PHF14: variants seen among roughly 807,000 people sequenced by gnomAD.
PHF14 encodes the protein PHD finger protein 14.
In PHF14, 55 loss-of-function variants were observed where a neutral mutation model predicts 117.9. That is an observed-to-expected ratio of 0.47 (90% CI 0.38 to 0.58). PHF14 has a LOEUF of 0.58. PHF14 is among the 20% of genes least tolerant of loss of function. The pLI, the probability that PHF14 is intolerant of heterozygous loss-of-function variation, is 0.00. For missense variants in PHF14, 978 were observed against 1,122.2 expected, an observed-to-expected ratio of 0.87 and a Z score of 1.84; for synonymous variants, 409 against 368.6, an observed-to-expected ratio of 1.11 and a Z score of -1.26.
At chr7:11,137,341 A>C (rs774553368) in intron 17 of PHF14, among the ~76,000 whole-genome samples, 1 of 151,950 alleles carries the variant, frequency 6.6e-6, no homozygotes, top group Non-Finnish European at 1.5e-5. Context: ...CTTGATCTTA[A>C]GTGCTTTTGT....
chr7:11,132,672 GT>G (rs1203299396), intron 17 of PHF14, among the ~76,000 whole-genome samples: 2 of 151,614 alleles, frequency 1.3e-5, no homozygotes, highest in African/African-American at 4.8e-5. Context: ...CCTTTATAGT[GT>G]TTTTTTATAA....
At chr7:11,104,706 A>G in intron 16 of PHF14, 1 of 802,508 alleles carries the variant, frequency 1.2e-6, no homozygotes, top group Non-Finnish European at 1.5e-6. Context: ...GTAAAAACAC[A>G]GGTGACTACC....
intron 17 of PHF14, among the ~76,000 whole-genome samples, chr7:11,162,169 A>C (rs979305927): frequency 2.3e-5 from 3 of 128,816 alleles, no homozygotes; most frequent in Non-Finnish European, 4.7e-5. Context: ...GCTCACTGCA[A>C]CCTCCACCTC....
chr7:11,133,094 A>G (rs573924635), intron 17 of PHF14, among the ~76,000 whole-genome samples: 1 of 151,974 alleles, frequency 6.6e-6, no homozygotes, highest in Non-Finnish European at 1.5e-5. Context: ...GTTCATTGAC[A>G]GGAGAAATAA....
At position 11,130,475 on chromosome 7, in the gene PHF14, T is replaced by A. The variant is rs1008885594; in HGVS notation, c.2772+19008T>A. ...CTCTTGATTTTTTTCTTTGCTTTTT[T>A]AAAAATAGCCTTTTGGTAGTATTTT... is the stretch of plus-strand genomic sequence containing the variant. On this transcript the variant is annotated intron_variant, in intron 17 of 17. Transcript: ENST00000634607. This position sits in a 1 kb window ranked among gnomAD's most constrained non-coding sequence, Gnocchi z 4.2. 2.0e-5 allele frequency among the ~76,000 whole-genome samples: 3 copies of A among 152,056 alleles called. No homozygotes were observed. The highest frequency in any genetic ancestry group is 4.1e-4 in the South Asian group (2 of 4,826).
chr7:11,023,785 G>A (rs542354031), intron 6 of PHF14, among the ~76,000 whole-genome samples: 11 of 152,122 alleles, frequency 7.2e-5, no homozygotes, highest in East Asian at 1.9e-4. Context: ...CTGAGATTGC[G>A]CCACGGCACT....
rs564851640 is a variant in PHF14 at position 10,995,361 on chromosome 7, A to G, written c.1045+4514A>G. On this transcript the variant is annotated intron_variant, in intron 4 of 17. Transcript: ENST00000634607. ...CATTTACAAGCCTTGCGCTAGACAC[A>G]GAGTGCTGATTGGTGTATTTACAAA... Among the ~76,000 whole-genome samples the G allele has an allele frequency of 2.6e-4, 40 of 152,164 alleles. No homozygotes were observed. The South Asian group carries it at 8.3e-3, about 32-fold the overall frequency.
At chr7:11,090,014 G>A (rs916483748) in intron 16 of PHF14, among the ~76,000 whole-genome samples, 6 of 152,034 alleles carry the variant, frequency 3.9e-5, no homozygotes, top group African/African-American at 1.2e-4. Flanking sequence ...CAGGTGATTC[G>A]CCCGCCTTAG....
chr7:11,007,179 G>T (rs1020746774), intron 4 of PHF14, among the ~76,000 whole-genome samples: 1 of 151,838 alleles, frequency 6.6e-6, no homozygotes, highest in African/African-American at 2.4e-5. Flanking sequence ...GGTAACAAGA[G>T]CGAAACTCCG....
At chr7:11,032,855 C>A (rs1355120730) in intron 7 of PHF14, among the ~76,000 whole-genome samples, 1 of 152,196 alleles carries the variant, frequency 6.6e-6, no homozygotes, top group African/African-American at 2.4e-5. Context: ...CTAGTTACCT[C>A]TATTTAGAAA....
chr7:11,156,617 A>G (rs1788862408), intron 17 of PHF14, among the ~76,000 whole-genome samples: 1 of 152,156 alleles, frequency 6.6e-6, no homozygotes, highest in Non-Finnish European at 1.5e-5. Flanking sequence ...AACATGGTGA[A>G]ACCCTATCTC....
intron 3 of PHF14, 56 bp downstream of exon 3, chr7:10,983,215 A>G: frequency 1.3e-6 from 2 of 1,532,450 alleles, no homozygotes; most frequent in Non-Finnish European, 1.7e-6. Context: ...ATTCTTCTCT[A>G]AATCACTCTA....
At chr7:11,105,492 A>T (rs565191084) in intron 16 of PHF14, 2 of 979,016 alleles carry the variant, frequency 2.0e-6, no homozygotes, top group Admixed American at 1.2e-4. Flanking sequence ...ATTCAGAAGG[A>T]CTCTCCAGCA....
chr7:11,168,808 C>T (rs1392134836), intron 17 of PHF14, among the ~76,000 whole-genome samples: 1 of 152,088 alleles, frequency 6.6e-6, no homozygotes, highest in African/African-American at 2.4e-5. Flanking sequence ...ACAAGATGCA[C>T]TTCATTTCTA....
intron 4 of PHF14, among the ~76,000 whole-genome samples, chr7:11,010,486 C>T (rs1331904256): frequency 2.0e-5 from 3 of 150,248 alleles, no homozygotes; most frequent in Non-Finnish European, 3.0e-5. Context: ...AGATTGTGTG[C>T]GTATATATGA....
rs537673992 is a variant in PHF14 at position 11,158,180 on chromosome 7, G to A, written c.2773-11236G>A. ...TTTCTCTGGACCAAGATTCAATCCA[G>A]GATCTCCTGTTTCATTTTGTCATTA... On this transcript the variant is annotated intron_variant, in intron 17 of 17. Coordinates refer to ENST00000634607, the MANE Select transcript of PHF14 (RefSeq NM_001007157.2). 2.6e-5 allele frequency among the ~76,000 whole-genome samples: 4 copies of A among 152,158 alleles called. No homozygotes were observed. The South Asian group carries it at 8.3e-4, about 32-fold the overall frequency.
At chr7:11,115,895 A>G (rs545095099) in intron 17 of PHF14, among the ~76,000 whole-genome samples, 2 of 152,146 alleles carry the variant, frequency 1.3e-5, no homozygotes, top group East Asian at 1.9e-4. Flanking sequence ...TAGATTCATT[A>G]TGCATCTTTG....
intron 2 of PHF14, among the ~76,000 whole-genome samples, chr7:10,981,380 C>T (rs1182506077): frequency 2.0e-5 from 3 of 152,126 alleles, no homozygotes; most frequent in African/African-American, 7.2e-5. Context: ...ATTTATTTCT[C>T]GCTTCAAAGA....
chr7:11,153,282 CAG>C (rs927279216), intron 17 of PHF14, among the ~76,000 whole-genome samples: 1 of 151,994 alleles, frequency 6.6e-6, no homozygotes, highest in African/African-American at 2.4e-5. Context: ...ATAAAGATAA[CAG>C]GAGTTGGCTA....
Sources: gnomAD v4.1 joint callset for allele counts (sites outside exome capture counted in the v4.1 genomes callset) on GRCh38, gnomAD v4.1.1 for gene constraint, Gnocchi (gnomAD v3.1) non-coding constraint, MANE v1.5 for transcripts, NCBI Gene and HGNC (gene_info 2026-07-23, HGNC 2026-07-21) for gene names.